The following PRKCQ variants were observed in gnomAD, a reference collection of about 807,000 sequenced individuals.
PRKCQ encodes protein kinase C theta, also known as protein kinase C theta type.
Under a neutral mutation model 91.2 loss-of-function variants are expected in PRKCQ, and 41 were observed. The ratio of observed to expected loss-of-function variants is 0.45; its 90% CI spans 0.35 to 0.58. The LOEUF (loss-of-function observed/expected upper bound fraction) is 0.58, where lower values mean the gene tolerates loss of function less well. Ranked by LOEUF, PRKCQ falls within the 20% of genes least tolerant of loss-of-function variation. The probability of loss-of-function intolerance (pLI) is 0.00; values close to 1 mark genes in which losing one functional copy is unlikely to be tolerated. For missense variants in PRKCQ, 673 were observed against 896.5 expected, an observed-to-expected ratio of 0.75 and a Z score of 3.18; for synonymous variants, 307 against 316.9, an observed-to-expected ratio of 0.97 and a Z score of 0.33.
chr10:6,556,744 T>G (rs1371441231), intron 1 of PRKCQ, among the ~76,000 whole-genome samples: 1 of 152,214 alleles, frequency 6.6e-6, no homozygotes, highest in Non-Finnish European at 1.5e-5. Context: ...CCAACAATCT[T>G]GGCTTTATTT....
At chr10:6,553,778 T>C (rs1840303716) in intron 1 of PRKCQ, among the ~76,000 whole-genome samples, 1 of 152,152 alleles carries the variant, frequency 6.6e-6, no homozygotes, top group Admixed American at 6.5e-5. Context: ...TACTTCCAAA[T>C]TTCTTACCAA....
intron 12 of PRKCQ, among the ~76,000 whole-genome samples, chr10:6,472,514 A>G (rs1358168388): frequency 6.6e-6 from 1 of 152,240 alleles, no homozygotes; most frequent in East Asian, 1.9e-4. Flanking sequence ...GTGTGAAAAT[A>G]AATAACATTT....
intron 15 of PRKCQ, among the ~76,000 whole-genome samples, chr10:6,444,502 A>G (rs891038506): frequency 2.0e-5 from 3 of 152,168 alleles, no homozygotes; most frequent in African/African-American, 7.2e-5. Flanking sequence ...GGGAAAAAAA[A>G]TCTTCGTTAA....
the PRKCQ span, among the ~76,000 whole-genome samples, chr10:6,418,129 T>C: frequency 6.6e-6 from 1 of 152,224 alleles, no homozygotes; most frequent in Non-Finnish European, 1.5e-5. Flanking sequence ...AATAACAACA[T>C]CCTTGATTTA....
At chr10:6,482,790 C>T (rs781751519) in intron 11 of PRKCQ, among the ~76,000 whole-genome samples, 6 of 152,080 alleles carry the variant, frequency 3.9e-5, no homozygotes, top group Admixed American at 6.6e-5. Flanking sequence ...GGACGTCTTA[C>T]GTGGTGGCAG....
Position 6,430,676 on chromosome 10 carries a change from T to G in PRKCQ, c.1965+134A>C. The G allele has an allele frequency of 7.6e-7, 1 of 1,318,662 alleles. No individual in the cohort carries two copies. Among genetic ancestry groups the G allele is most frequent in the Non-Finnish European group, 1.0e-6 (1 of 960,264 alleles). The allele number at this position is 1,318,662 out of a possible 1,614,324, so 81.7% of individuals were successfully genotyped here. On this transcript the variant is annotated intron_variant, in intron 17 of 17. Transcript: ENST00000263125. This position sits in a 1 kb window ranked among gnomAD's most constrained non-coding sequence, Gnocchi z 4.7. ...AGTAACATGTGTTAGAGACGTGCATTCCTCCTGGAGAGTGGGGCTGGTGGG... is the reference window on the plus strand; with the variant it reads ...AGTAACATGTGTTAGAGACGTGCATGCCTCCTGGAGAGTGGGGCTGGTGGG...
At position 6,428,164 on chromosome 10, in the gene PRKCQ, C is replaced by G; in HGVS notation, c.*43G>C. On this transcript the variant is annotated 3_prime_UTR_variant, in exon 18 of 18. Transcript: ENST00000263125. ...AAGCAGTGTCTCTTGAACCAGTTCC[C>G]AGGGAGAAGGCAAATTCTTTCCTGT... is the stretch of plus-strand genomic sequence containing the variant. 2 of 1,612,944 alleles carry G rather than the reference C, an allele frequency of 1.2e-6. No individual in the cohort carries two copies. The highest frequency in any genetic ancestry group is 2.2e-5 in the East Asian group (1 of 44,880).
At chr10:6,431,056 C>T in intron 16 of PRKCQ, 118 bp from the exon 17 acceptor site, 2 of 1,317,442 alleles carry the variant, frequency 1.5e-6, no homozygotes, top group Non-Finnish European at 2.0e-6. Flanking sequence ...TTTCTACTCA[C>T]CTTCATCAGG....
intron 1 of PRKCQ, among the ~76,000 whole-genome samples, chr10:6,546,011 C>T (rs193267140): frequency 1.1e-3 from 157 of 149,484 alleles, no homozygotes; most frequent in Admixed American, 2.7e-4. Flanking sequence ...CTCAGGAAAA[C>T]GAGAAAAAAA....
chr10:6,500,650 T>C (rs1307288598), intron 4 of PRKCQ, among the ~76,000 whole-genome samples: 1 of 152,148 alleles, frequency 6.6e-6, no homozygotes, highest in East Asian at 1.9e-4. Flanking sequence ...TTTTTTTGTA[T>C]TGACTATATT....
At chr10:6,515,806 T>A (rs1318262379) in intron 1 of PRKCQ, among the ~76,000 whole-genome samples, 1 of 152,166 alleles carries the variant, frequency 6.6e-6, no homozygotes, top group Non-Finnish European at 1.5e-5. Context: ...AAATACTTCA[T>A]AAAAGCCCAA....
intron 1 of PRKCQ, among the ~76,000 whole-genome samples, chr10:6,578,527 A>G (rs540213266): frequency 3.5e-4 from 54 of 152,360 alleles, no homozygotes; most frequent in African/African-American, 1.2e-3. Context: ...AGAAACAACA[A>G]CTGAAAAACT....
At chr10:6,520,255 T>C (rs192307326) in intron 1 of PRKCQ, among the ~76,000 whole-genome samples, 1 of 152,308 alleles carries the variant, frequency 6.6e-6, no homozygotes, top group Non-Finnish European at 1.5e-5. Context: ...TTTTGCCAGC[T>C]CGGTGCTGGG....
chr10:6,515,325 A>AACCAC, intron 1 of PRKCQ, 181 bp from the exon 2 acceptor site: 3 of 1,492,624 alleles, frequency 2.0e-6, no homozygotes, highest in Non-Finnish European at 1.8e-6. Context: ...ACTCACCCAA[A>AACCAC]ACCACACACT....
chr10:6,413,347 T>A, the PRKCQ span, among the ~76,000 whole-genome samples: 1 of 152,296 alleles, frequency 6.6e-6, no homozygotes, highest in East Asian at 1.9e-4. Context: ...TTAAAACTTC[T>A]CATCAATGTC....
chr10:6,496,046 T>C (rs555220214), intron 7 of PRKCQ, among the ~76,000 whole-genome samples: 2 of 151,844 alleles, frequency 1.3e-5, no homozygotes, highest in South Asian at 4.2e-4. Flanking sequence ...TGAAACCGCA[T>C]CTCTACTAAA....
At chr10:6,525,069 C>T (rs535556565) in intron 1 of PRKCQ, among the ~76,000 whole-genome samples, 1 of 152,038 alleles carries the variant, frequency 6.6e-6, no homozygotes, top group South Asian at 2.1e-4. Flanking sequence ...AGGATTCCTA[C>T]ATTTTCAGAG....
chr10:6,415,636 G>T, the PRKCQ span, among the ~76,000 whole-genome samples: 5 of 151,568 alleles, frequency 3.3e-5, no homozygotes, highest in African/African-American at 1.2e-4. Context: ...TTCCCTCTGC[G>T]CTGAGATCCC....
the PRKCQ span, among the ~76,000 whole-genome samples, chr10:6,401,304 T>C: frequency 5.8e-4 from 89 of 152,308 alleles, no homozygotes; most frequent in African/African-American, 2.1e-3. Flanking sequence ...GCATGTCCCT[T>C]TGGGGTCTGT....
Sources: gnomAD v4.1 joint callset for allele counts (sites outside exome capture counted in the v4.1 genomes callset) on GRCh38, gnomAD v4.1.1 for gene constraint, Gnocchi (gnomAD v3.1) non-coding constraint, MANE v1.5 for transcripts, NCBI Gene and HGNC (gene_info 2026-07-23, HGNC 2026-07-21) for gene names.